PKHD1: variants seen among roughly 807,000 people sequenced by gnomAD.
PKHD1 encodes the protein PKHD1 ciliary IPT domain containing fibrocystin/polyductin.
PKHD1 carries 291 observed loss-of-function variants against 412.0 expected under a neutral mutation model. The observed-to-expected ratio is 0.71, with a 90% CI of 0.64 to 0.78. The LOEUF is 0.78. PKHD1 is among the 30% of genes least tolerant of loss of function. The probability of loss-of-function intolerance (pLI) is 0.00; values close to 1 mark genes in which losing one functional copy is unlikely to be tolerated. For missense variants in PKHD1, 4,825 were observed against 4,950.7 expected (o/e 0.97, Z 0.76); for synonymous variants, 1,777 against 1,821.5 (o/e 0.98, Z 0.62).
chr6:51,917,858 A>T (rs977098083), intron 37 of PKHD1, among the ~76,000 whole-genome samples: 1 of 152,202 alleles, frequency 6.6e-6, no homozygotes, highest in Non-Finnish European at 1.5e-5. Flanking sequence ...TTATTTGGAA[A>T]CCACTAAATG....
At chr6:51,678,760 T>A (rs1776219293) in intron 60 of PKHD1, among the ~76,000 whole-genome samples, 1 of 152,116 alleles carries the variant, frequency 6.6e-6, no homozygotes, top group African/African-American at 2.4e-5. Context: ...TCTTTTATAA[T>A]ATAATATTCG....
intron 60 of PKHD1, among the ~76,000 whole-genome samples, chr6:51,732,360 A>G (rs1582340152): frequency 6.6e-6 from 1 of 152,190 alleles, no homozygotes; most frequent in Non-Finnish European, 1.5e-5. Flanking sequence ...AACCTGAAGT[A>G]TGGGGGGAAA....
chr6:52,036,448 C>T (rs561141750), intron 27 of PKHD1, among the ~76,000 whole-genome samples: 5 of 152,234 alleles, frequency 3.3e-5, no homozygotes, highest in Non-Finnish European at 7.3e-5. Context: ...GGAGGAGCAG[C>T]CTTTGATCTA....
intron 35 of PKHD1, among the ~76,000 whole-genome samples, chr6:52,001,775 A>G (rs1483716776): frequency 6.6e-6 from 1 of 152,194 alleles, no homozygotes; most frequent in East Asian, 1.9e-4. Flanking sequence ...AAACAGAGGT[A>G]TGCAAAGTCT....
chr6:52,022,345 CA>C (rs1386852431), intron 33 of PKHD1, among the ~76,000 whole-genome samples: 1 of 152,142 alleles, frequency 6.6e-6, no homozygotes, highest in African/African-American at 2.4e-5. Flanking sequence ...GAAAACTGAA[CA>C]CACAAAGCTA....
intron 66 of PKHD1, among the ~76,000 whole-genome samples, chr6:51,620,825 G>T (rs1036708344): frequency 2.0e-5 from 3 of 147,490 alleles, no homozygotes; most frequent in Non-Finnish European, 3.0e-5. Context: ...TAATGCTTTT[G>T]ATTTAGAGCA....
chr6:51,657,129 A>G (rs1458771192), intron 61 of PKHD1, among the ~76,000 whole-genome samples: 3 of 151,958 alleles, frequency 2.0e-5, no homozygotes, highest in South Asian at 2.1e-4. Context: ...ATAAAAAAAA[A>G]AAAAAGAAAG....
chr6:52,055,374 C>A (rs896884377), intron 19 of PKHD1, among the ~76,000 whole-genome samples: 8 of 152,232 alleles, frequency 5.3e-5, no homozygotes, highest in Non-Finnish European at 1.0e-4. Flanking sequence ...ACAGCTAATA[C>A]AAAGGCATTT....
intron 52 of PKHD1, among the ~76,000 whole-genome samples, chr6:51,809,392 T>C (rs901182170): frequency 6.6e-6 from 1 of 152,064 alleles, no homozygotes; most frequent in African/African-American, 2.4e-5. Flanking sequence ...TTCTGGACTC[T>C]ATTTTGTCTC....
chr6:51,926,043 A>G (rs1785558648), intron 37 of PKHD1, among the ~76,000 whole-genome samples: 1 of 152,184 alleles, frequency 6.6e-6, no homozygotes, highest in African/African-American at 2.4e-5. Context: ...TAATAAAATA[A>G]ATACAAAAAA....
At chr6:51,995,511 G>A (rs548514638) in intron 35 of PKHD1, among the ~76,000 whole-genome samples, 1 of 152,274 alleles carries the variant, frequency 6.6e-6, no homozygotes, top group East Asian at 1.9e-4. Flanking sequence ...CTGGGACTCT[G>A]TAAGACTAGT....
At position 51,906,286 on chromosome 6, in the gene PKHD1, A is replaced by G. The variant is rs1312358253; in HGVS notation, c.6737T>C (p.Met2246Thr). ...VRNSFSRGLS[M>T]CGTLGLKVDS... ...CACCTTCAGGCCCAAGGTCCCGCAC[A>G]TGCTGAGGCCTCTACTGAAGGAGTT... Residue 2246 changes from methionine (M) to threonine (T), a missense_variant, in exon 41 of 67, where the codon ATG becomes ACG. Coordinates refer to ENST00000371117, the MANE Select transcript of PKHD1 (RefSeq NM_138694.4). The G allele has an allele frequency of 5.6e-6, 9 of 1,609,776 alleles. No individual in the cohort carries two copies. The highest frequency in any genetic ancestry group is 1.3e-5 in the African/African-American group (1 of 74,806).
At chr6:51,981,856 C>T (rs1427986069) in intron 35 of PKHD1, among the ~76,000 whole-genome samples, 9 of 108,904 alleles carry the variant, frequency 8.3e-5, no homozygotes, top group African/African-American at 2.4e-4. Context: ...CGGCTGCCAT[C>T]CCATCTAGGA....
At chr6:51,648,262 T>C (rs1309169212) in intron 62 of PKHD1, 144 bp from the exon 63 acceptor site, 1 of 616,552 alleles carries the variant, frequency 1.6e-6, no homozygotes, top group East Asian at 2.7e-5. Context: ...TAAATAAATG[T>C]CTTTCTCATG....
At chr6:51,621,976 T>C (rs189242752) in intron 66 of PKHD1, 1 of 152,376 alleles carries the variant, frequency 6.6e-6, no homozygotes, top group African/African-American at 2.4e-5. Context: ...ACCTCTGCCT[T>C]GTTGATGAGT....
chr6:52,005,236 C>T (rs1053073177), intron 35 of PKHD1, among the ~76,000 whole-genome samples: 7 of 152,182 alleles, frequency 4.6e-5, no homozygotes, highest in African/African-American at 1.2e-4. Flanking sequence ...TTCTACCTCT[C>T]GTCGGTTTAC....
At chr6:51,829,485 G>A (rs1051673189) in intron 52 of PKHD1, among the ~76,000 whole-genome samples, 42 of 152,098 alleles carry the variant, frequency 2.8e-4, no homozygotes, top group African/African-American at 9.7e-4. Context: ...TGAATCCGCT[G>A]GCTAGATTCA....
chr6:51,649,697 A>T (rs1353176108), intron 61 of PKHD1, among the ~76,000 whole-genome samples: 2 of 152,156 alleles, frequency 1.3e-5, no homozygotes, highest in South Asian at 4.1e-4. Context: ...TGACAAGATA[A>T]TATCACTGAG....
chr6:51,937,340 A>G (rs1355480219), intron 36 of PKHD1, among the ~76,000 whole-genome samples: 1 of 152,218 alleles, frequency 6.6e-6, no homozygotes, highest in Non-Finnish European at 1.5e-5. Flanking sequence ...TAGCCTGACC[A>G]TCTTGGGCAC....
Sources: gnomAD v4.1 joint callset for allele counts (sites outside exome capture counted in the v4.1 genomes callset) on GRCh38, gnomAD v4.1.1 for gene constraint, MANE v1.5 for transcripts, NCBI Gene and HGNC (gene_info 2026-07-23, HGNC 2026-07-21) for gene names.